CCSER1: variants seen among roughly 807,000 people sequenced by gnomAD.
CCSER1 encodes the protein coiled-coil serine rich protein 1.
Under a neutral mutation model 82.0 loss-of-function variants are expected in CCSER1, and 41 were observed. That is an observed-to-expected ratio of 0.50 (90% CI 0.39 to 0.65). The LOEUF is 0.65. Ranked by LOEUF, CCSER1 falls within the 30% of genes least tolerant of loss-of-function variation. CCSER1 has a pLI of 0.00. For missense variants in CCSER1, 1,119 were observed against 1,064.2 expected, an observed-to-expected ratio of 1.05 and a Z score of -0.72; for synonymous variants, 414 against 383.9, an observed-to-expected ratio of 1.08 and a Z score of -0.92.
At chr4:91,159,627 AT>A (rs1206775049) in intron 10 of CCSER1, among the ~76,000 whole-genome samples, 2 of 151,866 alleles carry the variant, frequency 1.3e-5, no homozygotes, top group African/African-American at 4.8e-5. Flanking sequence ...GGGAATAAAT[AT>A]TTTCCTTACA....
chr4:90,297,573 G>C (rs1321789016), intron 1 of CCSER1, among the ~76,000 whole-genome samples: 3,372 of 146,650 alleles, frequency 0.023, 96 homozygotes, highest in African/African-American at 0.072. Context: ...TCTTGTGCCA[G>C]TTTTCAAAGG....
At chr4:90,295,331 C>T (rs1481390175) in intron 1 of CCSER1, among the ~76,000 whole-genome samples, 1 of 151,816 alleles carries the variant, frequency 6.6e-6, no homozygotes, top group African/African-American at 2.4e-5. Context: ...TTTCACCAAA[C>T]CTGATATTAT....
intron 10 of CCSER1, among the ~76,000 whole-genome samples, chr4:91,396,993 C>A (rs1342711035): frequency 1.3e-5 from 2 of 152,046 alleles, no homozygotes; most frequent in Non-Finnish European, 2.9e-5. Context: ...CCTCCACAAT[C>A]ACACTTCTGC....
chr4:91,505,897 C>A (rs1759456528), intron 10 of CCSER1, among the ~76,000 whole-genome samples: 2 of 152,130 alleles, frequency 1.3e-5, no homozygotes, highest in Non-Finnish European at 2.9e-5. Flanking sequence ...GTTGTCTGTT[C>A]ACTCTGATGA....
chr4:90,719,021 T>G (rs1742185555), intron 6 of CCSER1, among the ~76,000 whole-genome samples: 1 of 152,124 alleles, frequency 6.6e-6, no homozygotes, highest in African/African-American at 2.4e-5. Context: ...TTCAGGATAC[T>G]TTATTACAGG....
chr4:91,586,665 T>TA (rs1560782667), intron 10 of CCSER1, among the ~76,000 whole-genome samples: 1 of 151,704 alleles, frequency 6.6e-6, no homozygotes, highest in Non-Finnish European at 1.5e-5. Context: ...ATGAACAAGG[T>TA]AGGGGTGATG....
At chr4:90,356,862 A>G (rs996517297) in intron 3 of CCSER1, among the ~76,000 whole-genome samples, 2 of 151,892 alleles carry the variant, frequency 1.3e-5, no homozygotes, top group Non-Finnish European at 3.0e-5. Context: ...ACCATAACTT[A>G]CTAAGATTCT....
chr4:90,268,255 T>C (rs1725594897), intron 1 of CCSER1, among the ~76,000 whole-genome samples: 1 of 152,158 alleles, frequency 6.6e-6, no homozygotes, highest in African/African-American at 2.4e-5. Context: ...CAGAATATTA[T>C]AATGTTGTAA....
At chr4:90,258,342 G>C (rs942147936) in intron 1 of CCSER1, among the ~76,000 whole-genome samples, 4 of 152,010 alleles carry the variant, frequency 2.6e-5, no homozygotes, top group Non-Finnish European at 4.4e-5. Flanking sequence ...GTAACACCCC[G>C]TTTCTACTAA....
intron 10 of CCSER1, among the ~76,000 whole-genome samples, chr4:91,276,429 C>T (rs2149193567): frequency 6.6e-6 from 1 of 150,490 alleles, no homozygotes; most frequent in East Asian, 2.0e-4. Flanking sequence ...TTACCTTCTT[C>T]ATTTCTTTTT....
chr4:90,804,882 G>A (rs926740915), intron 7 of CCSER1, among the ~76,000 whole-genome samples: 14 of 152,004 alleles, frequency 9.2e-5, no homozygotes, highest in African/African-American at 2.7e-4. Flanking sequence ...TTTTTTATCC[G>A]TATTTCAGAT....
intron 3 of CCSER1, among the ~76,000 whole-genome samples, chr4:90,391,350 G>A (rs917491815): frequency 2.9e-4 from 42 of 144,638 alleles, no homozygotes; most frequent in African/African-American, 1.0e-3. Context: ...AATGTTTGAG[G>A]TGATGAATAC....
In CCSER1 at chr4:91,042,308, G is replaced by C. The variant is rs559735969; in HGVS notation, c.2173-43642G>C. On this transcript the variant is annotated intron_variant, in intron 9 of 10. Coordinates refer to ENST00000509176, the MANE Select transcript of CCSER1 (RefSeq NM_001145065.2). ...CGCCTTCCTGCTGCCTTGTGAAGGA[G>C]GTGCCTTCATTCCCCTTCTACCAGG... Among the ~76,000 whole-genome samples, 4 of 152,256 alleles carry C rather than the reference G, an allele frequency of 2.6e-5. No homozygotes were observed. The East Asian group carries it at 7.7e-4, about 29-fold the overall frequency.
chr4:91,179,257 G>C (rs1733746167), intron 10 of CCSER1, among the ~76,000 whole-genome samples: 1 of 152,082 alleles, frequency 6.6e-6, no homozygotes, highest in African/African-American at 2.4e-5. Flanking sequence ...TTTCAACTTT[G>C]GTGAATCTGA....
chr4:91,089,195 G>T (rs369034636), intron 10 of CCSER1, among the ~76,000 whole-genome samples: 1 of 152,150 alleles, frequency 6.6e-6, no homozygotes, highest in South Asian at 2.1e-4. Context: ...CAATCTAGGC[G>T]GTATGTGACA....
intron 4 of CCSER1, among the ~76,000 whole-genome samples, chr4:90,410,389 C>T (rs1476084833): frequency 2.0e-5 from 3 of 152,296 alleles, no homozygotes; most frequent in South Asian, 2.1e-4. Flanking sequence ...AAGTAAAGCA[C>T]TCCTCAGCAA....
intron 10 of CCSER1, among the ~76,000 whole-genome samples, chr4:91,457,192 C>A (rs1756228039): frequency 6.6e-6 from 1 of 152,052 alleles, no homozygotes; most frequent in African/African-American, 2.4e-5. Context: ...TATTATTTCT[C>A]TAGTTTACTG....
intron 10 of CCSER1, among the ~76,000 whole-genome samples, chr4:91,306,373 C>A (rs1272652802): frequency 1.3e-5 from 2 of 151,874 alleles, no homozygotes; most frequent in South Asian, 2.1e-4. Flanking sequence ...AAAACAGATT[C>A]TTCTTCTGAA....
chr4:90,656,642 G>A lies in CCSER1; in HGVS notation c.1932+28410G>A, dbSNP rs117547637. On this transcript the variant is annotated intron_variant, in intron 6 of 10. Coordinates refer to ENST00000509176, the MANE Select transcript of CCSER1 (RefSeq NM_001145065.2). ...TTTAATTGGAGTCTGGATCATATTT[G>A]TATTTAATGTAACTACTGATATATT... Among the ~76,000 whole-genome samples the A allele has an allele frequency of 4.6e-5, 7 of 151,738 alleles. No homozygotes were observed. The East Asian group carries it at 1.4e-3, about 29-fold the overall frequency.
Sources: allele counts gnomAD v4.1 joint callset (sites outside exome capture counted in the v4.1 genomes callset), GRCh38; gene constraint gnomAD v4.1.1; transcripts MANE v1.5; gene names NCBI Gene and HGNC (gene_info 2026-07-23, HGNC 2026-07-21).